The following PLOD1 variants were observed in gnomAD, a reference collection of about 807,000 sequenced individuals.
PLOD1 encodes lysine hydroxylase.
A neutral mutation model predicts 94.7 loss-of-function variants in PLOD1; 70 were observed. The observed-to-expected ratio is 0.74, with a 90% CI of 0.61 to 0.90. PLOD1 has a LOEUF of 0.90. PLOD1 is among the 40% of genes least tolerant of loss of function. The pLI is 0.00. For missense variants in PLOD1, 905 were observed against 972.7 expected (o/e 0.93, Z 0.93); for synonymous variants, 417 against 400.2 (o/e 1.04, Z -0.50).
At chr1:11,954,637 C>T (rs778123024) in intron 5 of PLOD1, 193 bp from the exon 6 acceptor site, 2 of 771,782 alleles carry the variant, frequency 2.6e-6, no homozygotes, top group Non-Finnish European at 4.8e-6. Flanking sequence ...TGAGTAGAGC[C>T]ACTAGACTGT....
At position 11,970,670 on chromosome 1, in the gene PLOD1, G is replaced by C; in HGVS notation, c.1756G>C (p.Asp586His). ...AAACATTCACCTCGGTCACCTCCAG[G>C]ACAACCGCATCCAGGGTGGCTACGA... ...FGQWSLGNNK[D>H]NRIQGGYENV... The change falls in exon 17 of 19, where the codon GAC becomes CAC. Residue 586 changes from aspartate (D) to histidine (H), a missense_variant and splice_region_variant. By Grantham distance (81) the Asp-to-His change is moderately conservative. Transcript: ENST00000196061. The C allele has an allele frequency of 6.2e-7, 1 of 1,613,124 alleles. No homozygotes were observed. The highest frequency in any genetic ancestry group is 1.7e-5 in the Admixed American group (1 of 59,962).
At position 11,958,017 on chromosome 1, in the gene PLOD1, C is replaced by A; in HGVS notation, c.843+74C>A. The A allele has an allele frequency of 1.1e-6, 1 of 949,468 alleles. No homozygotes were observed. Among genetic ancestry groups the A allele is most frequent in the Non-Finnish European group, 1.7e-6 (1 of 574,990 alleles). 58.8% of individuals were successfully genotyped at this position (949,468 alleles called of 1,614,324 possible). The stretch of plus-strand genomic sequence containing the variant: ...CCCTGAGATGGCGAGATGGGTGATT[C>A]TGGAATAGACTCCATTGTCTTTGGT... On this transcript the variant is annotated intron_variant, in intron 8 of 18. Coordinates refer to ENST00000196061, the MANE Select transcript of PLOD1 (RefSeq NM_000302.4). This position sits in a 1 kb window ranked among gnomAD's most constrained non-coding sequence, Gnocchi z 4.3.
At chr1:11,940,310 AC>A (rs2100734615) in intron 1 of PLOD1, among the ~76,000 whole-genome samples, 1 of 152,118 alleles carries the variant, frequency 6.6e-6, no homozygotes, top group Non-Finnish European at 1.5e-5. Flanking sequence ...GGTGTGAGCC[AC>A]CCCACCCTCT....
chr1:11,937,049 T>C (rs1369489107), intron 1 of PLOD1, among the ~76,000 whole-genome samples: 17 of 152,060 alleles, frequency 1.1e-4, no homozygotes, highest in Non-Finnish European at 2.2e-4. Context: ...GGTTTCACCA[T>C]GTTGGTCAGG....
chr1:11,973,094 G>A, intron 18 of PLOD1, 97 bp downstream of exon 18: 2 of 1,324,798 alleles, frequency 1.5e-6, no homozygotes, highest in South Asian at 2.4e-5. Flanking sequence ...AGGGGCCCCA[G>A]GTAACCAGTG....
At chr1:11,967,180 C>G (rs1645824997) in intron 16 of PLOD1, 89 bp downstream of exon 16, 1 of 843,782 alleles carries the variant, frequency 1.2e-6, no homozygotes, top group Admixed American at 1.8e-5. Flanking sequence ...GCAAGCTGGC[C>G]TGGCCACCCT....
chr1:11,951,143 A>G (rs924872286), intron 4 of PLOD1, among the ~76,000 whole-genome samples: 2 of 152,036 alleles, frequency 1.3e-5, no homozygotes, highest in Non-Finnish European at 2.9e-5. Flanking sequence ...TCTCTGGCCC[A>G]CAGTTCACTG....
At chr1:11,954,310 C>CAAAAAAAAAA (rs754503001) in intron 5 of PLOD1, 3 of 145,084 alleles carry the variant, frequency 2.1e-5, no homozygotes, top group African/African-American at 1.6e-4. Context: ...CCATCTCTAG[C>CAAAAAAAAAA]AAAAAAAAAA....
Position 11,963,564 on chromosome 1 carries a change from A to C in PLOD1, c.1130A>C (p.Tyr377Ser), listed in dbSNP as rs754748178. The C allele has an allele frequency of 1.1e-5, 17 of 1,604,138 alleles. No individual in the cohort carries two copies. The East Asian group carries it at 3.8e-4, about 36-fold the overall frequency. Residue 377 changes from tyrosine (Y) to serine (S), a missense_variant, in exon 11 of 19, where the codon TAC (tyrosine) becomes TCC (serine). Physicochemically the swap from Tyr to Ser is moderately radical, Grantham distance 144. Coordinates refer to ENST00000196061, the MANE Select transcript of PLOD1 (RefSeq NM_000302.4). The surrounding 1 kb of genome is among the most constrained non-coding windows in gnomAD (Gnocchi z 4.3). ...DLCRQDRSCT[Y>S]YFSVDADVAL... ...TGCCGGCAGGACCGCAGCTGCACCTACTACTTCAGCGTGGATGCTGACGTG... is the reference window on the plus strand; with the variant it reads ...TGCCGGCAGGACCGCAGCTGCACCTCCTACTTCAGCGTGGATGCTGACGTG...
Position 11,966,331 on chromosome 1 carries a change from CA to C in PLOD1, c.1650+16del. Reference sequence around the variant, plus strand: ...TGGTGGAGACGGTAAGGGCCATGGACACCCTCTTGGACCAGCCTTGCCTGCT... The same window carrying C: ...TGGTGGAGACGGTAAGGGCCATGGACCCCTCTTGGACCAGCCTTGCCTGCT... On this transcript the variant is annotated intron_variant, in intron 15 of 18. Coordinates refer to ENST00000196061, the MANE Select transcript of PLOD1 (RefSeq NM_000302.4). The C allele has an allele frequency of 1.3e-6, 2 of 1,592,568 alleles. No homozygotes were observed. Among genetic ancestry groups the C allele is most frequent in the Non-Finnish European group, 1.7e-6 (2 of 1,166,202 alleles).
chr1:11,949,495 C>T (rs1050177326), intron 2 of PLOD1, among the ~76,000 whole-genome samples: 2 of 152,178 alleles, frequency 1.3e-5, no homozygotes, highest in African/African-American at 2.4e-5. Flanking sequence ...TTTCGGCTCA[C>T]TGGAACCCCC....
intron 10 of PLOD1, among the ~76,000 whole-genome samples, chr1:11,962,572 T>C (rs1645786693): frequency 6.6e-6 from 1 of 151,548 alleles, no homozygotes; most frequent in Admixed American, 6.6e-5. Flanking sequence ...CACCACGCCC[T>C]GCCGATTTGT....
chr1:11,949,671 C>A, intron 2 of PLOD1, 102 bp from the exon 3 acceptor site: 1 of 1,227,262 alleles, frequency 8.1e-7, no homozygotes, highest in Non-Finnish European at 1.2e-6. Context: ...CCACACGTCT[C>A]GGCCTCCCAA....
intron 17 of PLOD1, chr1:11,971,937 T>C (rs1012246971): frequency 1.3e-5 from 2 of 152,266 alleles, no homozygotes; most frequent in African/African-American, 4.8e-5. Context: ...ATTACCTGGC[T>C]GGCCTCGGTT....
rs1287501537 is a variant in PLOD1 at position 11,972,522 on chromosome 1, G to A, written c.1903-350G>A. ...CCCACCTTGGCCTCCCAAAGTGCTGGAATTACAGGCGTGAGTACCATGTCC... is the reference window on the plus strand; with the variant it reads ...CCCACCTTGGCCTCCCAAAGTGCTGAAATTACAGGCGTGAGTACCATGTCC... On this transcript the variant is annotated intron_variant, in intron 17 of 18. Transcript: ENST00000196061. This position sits in a 1 kb window ranked among gnomAD's most constrained non-coding sequence, Gnocchi z 4.6. 3.5e-6 allele frequency: 1 copy of A among 284,154 alleles called. No homozygotes were observed. The highest frequency in any genetic ancestry group is 7.0e-6 in the Non-Finnish European group (1 of 142,928). The allele number at this position is 284,154 out of a possible 1,614,324, so 17.6% of individuals were successfully genotyped here.
At position 11,954,831 on chromosome 1, in the gene PLOD1, A is replaced by G; in HGVS notation, c.581A>G (p.Glu194Gly). Residue 194 changes from glutamate (E) to glycine (G), a missense_variant and splice_region_variant, in exon 6 of 19, where the codon GAG (glutamate) becomes GGG (glycine). Transcript: ENST00000196061. ...TKIFLDPEKREQINITLDHRC... is the reference protein window; with the variant it reads ...TKIFLDPEKRGQINITLDHRC... The stretch of plus-strand genomic sequence containing the variant: ...AGTCTGGTACCTTCTTTCCTGCAGG[A>G]GCAGATCAATATCACCCTGGACCAC... 1 of 1,612,696 alleles carries G rather than the reference A, an allele frequency of 6.2e-7. No homozygotes were observed. Among genetic ancestry groups the G allele is most frequent in the Non-Finnish European group, 8.5e-7 (1 of 1,178,718 alleles).
chr1:11,950,419 G>A lies in PLOD1; in HGVS notation c.365G>A (p.Ser122Asn), dbSNP rs1645691317. 6 of 1,614,188 alleles carry A rather than the reference G, an allele frequency of 3.7e-6. No individual in the cohort carries two copies. Among genetic ancestry groups the A allele is most frequent in the Non-Finnish European group, 5.1e-6 (6 of 1,180,012 alleles). The change falls in exon 4 of 19, where the codon AGC becomes AAC. Residue 122 changes from serine to asparagine, a missense_variant. Transcript: ENST00000196061. ...ELLKKFRQAR[S>N]QVVFSAEELI... ...CTGAAGAAGTTCCGGCAGGCCAGGA[G>A]CCAGGTGGTCTTCTCTGCTGAGGAG...
rs1964840 is a variant in PLOD1 at position 11,943,399 on chromosome 1, C to T, written c.77-4577C>T. Reference sequence around the variant, plus strand: ...GCAGCCGCCACCTCCCGGGTTCAAGCGATTCTCTTGCCTGAGCCTCACGAG... The same window carrying T: ...GCAGCCGCCACCTCCCGGGTTCAAGTGATTCTCTTGCCTGAGCCTCACGAG... On this transcript the variant is annotated intron_variant, in intron 1 of 18. Coordinates refer to ENST00000196061, the MANE Select transcript of PLOD1 (RefSeq NM_000302.4). Among the ~76,000 whole-genome samples the T allele has an allele frequency of 7.2e-3, 1,097 of 151,792 alleles. 15 individuals are homozygous for T. Among genetic ancestry groups the T allele is most frequent in the African/African-American group, 0.024 (1,000 of 41,358 alleles).
In PLOD1 at chr1:11,952,606, CACCCACCA is replaced by C. The variant is rs769420622; in HGVS notation, c.467-13_467-6del. ...AGCTAAGGGTCCGTCTTGGTGTCCC[CACCCACCA>C]ACCTTCAGGCTTCATCGGTTATGCC... On this transcript the variant is annotated splice_polypyrimidine_tract_variant and intron_variant, in intron 4 of 18. Coordinates refer to ENST00000196061, the MANE Select transcript of PLOD1 (RefSeq NM_000302.4). 15 of 1,587,058 alleles carry C rather than the reference CACCCACCA, an allele frequency of 9.5e-6. No individual in the cohort carries two copies. In the South Asian group the frequency reaches 1.7e-4, roughly 18 times the overall value.
Sources: allele counts gnomAD v4.1 joint callset (sites outside exome capture counted in the v4.1 genomes callset), GRCh38; gene constraint gnomAD v4.1.1; non-coding constraint Gnocchi (gnomAD v3.1); transcripts MANE v1.5; gene names NCBI Gene and HGNC (gene_info 2026-07-23, HGNC 2026-07-21).